The following HMCN1 variants were observed in gnomAD, a reference collection of about 807,000 sequenced individuals.
The protein encoded by HMCN1 is hemicentin-1.
HMCN1 carries 321 observed loss-of-function variants against 625.9 expected under a neutral mutation model. The ratio of observed to expected loss-of-function variants is 0.51; its 90% confidence interval spans 0.47 to 0.56. HMCN1 has a LOEUF of 0.56. HMCN1 is among the 20% of genes least tolerant of loss of function. The pLI is 0.00. For synonymous variants in HMCN1, 2,425 were observed against 2,417.6 expected (o/e 1.00, Z -0.09); for missense variants, 6,588 against 6,887.3 (o/e 0.96, Z 1.54).
intron 4 of HMCN1, among the ~76,000 whole-genome samples, chr1:185,879,063 G>A (rs895518849): frequency 3.3e-5 from 5 of 152,178 alleles, no homozygotes; most frequent in African/African-American, 9.7e-5. Flanking sequence ...TTTGTTTGCT[G>A]TCCACATTTA....
chr1:186,139,979 C>A (rs772445147), intron 89 of HMCN1, among the ~76,000 whole-genome samples: 13 of 151,986 alleles, frequency 8.6e-5, no homozygotes, highest in Non-Finnish European at 1.8e-4. Context: ...TCATTTCTAA[C>A]AATGTTGAAC....
At chr1:185,836,021 A>G (rs964922999) in intron 1 of HMCN1, among the ~76,000 whole-genome samples, 2 of 152,200 alleles carry the variant, frequency 1.3e-5, no homozygotes, top group African/African-American at 4.8e-5. Context: ...ATTGAAAAAG[A>G]ATACCATATC....
At chr1:185,987,398 G>T in intron 19 of HMCN1, 34 bp from the exon 20 acceptor site, 1 of 1,254,594 alleles carries the variant, frequency 8.0e-7, no homozygotes. Flanking sequence ...GGAAGAACAG[G>T]TGCTCAGATT....
chr1:186,188,469 C>T (rs1653496292), intron 106 of HMCN1, among the ~76,000 whole-genome samples: 1 of 152,140 alleles, frequency 6.6e-6, no homozygotes. Flanking sequence ...AGTTGTCTGC[C>T]CGTTCATACA....
intron 1 of HMCN1, among the ~76,000 whole-genome samples, chr1:185,825,533 T>C (rs2102277329): frequency 6.6e-6 from 1 of 152,294 alleles, no homozygotes; most frequent in South Asian, 2.1e-4. Context: ...CATGAAATAA[T>C]GATAATCAAT....
intron 1 of HMCN1, among the ~76,000 whole-genome samples, chr1:185,845,462 C>A (rs1661755456): frequency 6.6e-6 from 1 of 152,194 alleles, no homozygotes; most frequent in Non-Finnish European, 1.5e-5. Context: ...CTCAAATGAT[C>A]TGCCCGCCTT....
intron 15 of HMCN1, 95 bp downstream of exon 15, chr1:185,970,588 T>A: frequency 1.9e-6 from 2 of 1,075,712 alleles, no homozygotes; most frequent in Non-Finnish European, 2.9e-6. Flanking sequence ...GAATTATTCA[T>A]CAGAATGGCA....
intron 52 of HMCN1, among the ~76,000 whole-genome samples, chr1:186,071,204 CATGGGT>C (rs1339494809): frequency 6.6e-6 from 1 of 152,084 alleles, no homozygotes; most frequent in Non-Finnish European, 1.5e-5. Flanking sequence ...ACAGGTATAA[CATGGGT>C]ACTAAATTTA....
In HMCN1 at chr1:186,057,268, T is replaced by C; in HGVS notation, c.7179T>C (p.Pro2393=). ...GCATCATAGGAAACCACAGGTCACCTGAAAATATTAGTGTGGTAGAAAAGA... is the reference window on the plus strand; with the variant it reads ...GCATCATAGGAAACCACAGGTCACCCGAAAATATTAGTGTGGTAGAAAAGA... ...PPSIIGNHRS[P]ENISVVEKNS... is the part of the protein sequence containing the mutation. Residue 2393 remains proline, a synonymous_variant, in exon 46 of 107, where the codon CCT becomes CCC. Coordinates refer to ENST00000271588, the MANE Select transcript of HMCN1 (RefSeq NM_031935.3). The C allele has an allele frequency of 6.2e-7, 1 of 1,611,722 alleles. No individual in the cohort carries two copies. Among genetic ancestry groups the C allele is most frequent in the Non-Finnish European group, 8.5e-7 (1 of 1,178,330 alleles).
At chr1:185,892,884 T>G (rs1219129010) in intron 4 of HMCN1, among the ~76,000 whole-genome samples, 3 of 152,256 alleles carry the variant, frequency 2.0e-5, no homozygotes, top group Non-Finnish European at 4.4e-5. Context: ...GGAAGCCTGG[T>G]CAATGGCGGG....
chr1:186,056,688 A>G (rs1188274484), intron 45 of HMCN1, among the ~76,000 whole-genome samples: 1 of 151,976 alleles, frequency 6.6e-6, no homozygotes, highest in Non-Finnish European at 1.5e-5. Context: ...AGTGGGAACT[A>G]AACATTGGGT....
intron 1 of HMCN1, among the ~76,000 whole-genome samples, chr1:185,831,464 C>A: frequency 6.6e-6 from 1 of 152,112 alleles, no homozygotes; most frequent in East Asian, 1.9e-4. Flanking sequence ...ACACTAGAAG[C>A]ACTTGATAAT....
chr1:186,041,360 G>C (rs1474414800), intron 40 of HMCN1, among the ~76,000 whole-genome samples: 1 of 152,062 alleles, frequency 6.6e-6, no homozygotes, highest in East Asian at 1.9e-4. Flanking sequence ...CCAGCATGTA[G>C]GGTGTTGGTT....
chr1:186,118,460 T>C (rs1661238889), intron 77 of HMCN1, among the ~76,000 whole-genome samples: 1 of 152,178 alleles, frequency 6.6e-6, no homozygotes, highest in African/African-American at 2.4e-5. Flanking sequence ...GAAAACAATT[T>C]AGAACTTTCA....
intron 28 of HMCN1, 108 bp downstream of exon 28, chr1:186,001,849 C>A: frequency 1.1e-6 from 1 of 925,250 alleles, no homozygotes; most frequent in Non-Finnish European, 1.7e-6. Context: ...GACAGAAAAA[C>A]TATAGTTTCA....
intron 1 of HMCN1, among the ~76,000 whole-genome samples, chr1:185,801,948 A>G (rs771287512): frequency 6.6e-6 from 1 of 152,214 alleles, no homozygotes; most frequent in Non-Finnish European, 1.5e-5. Flanking sequence ...CCCAGAAAAC[A>G]TACTTCAGTT....
chr1:185,924,844 CAT>C (rs1384499462), intron 8 of HMCN1, among the ~76,000 whole-genome samples: 1 of 151,230 alleles, frequency 6.6e-6, no homozygotes, highest in African/African-American at 2.4e-5. Context: ...GTAAGGGGCT[CAT>C]AAAGATATCC....
At chr1:186,088,378 G>A (rs1659650504) in intron 62 of HMCN1, 102 bp downstream of exon 62, 3 of 1,566,518 alleles carry the variant, frequency 1.9e-6, no homozygotes, top group Admixed American at 3.4e-5. Flanking sequence ...TGCTCATAGG[G>A]GTGTTTAGTT....
chr1:186,063,480 AGG>A (rs1657904379), intron 48 of HMCN1, among the ~76,000 whole-genome samples: 4 of 146,608 alleles, frequency 2.7e-5, no homozygotes, highest in Non-Finnish European at 6.1e-5. Context: ...GAAGGAAGGA[AGG>A]AAGGAAGGAA....
Sources: gnomAD v4.1 joint callset for allele counts (sites outside exome capture counted in the v4.1 genomes callset) on GRCh38, gnomAD v4.1.1 for gene constraint, MANE v1.5 for transcripts, NCBI Gene and HGNC (gene_info 2026-07-23, HGNC 2026-07-21) for gene names.